Variants in GRIK5 observed in about 807,000 individuals in gnomAD.
The protein encoded by GRIK5 is glutamate ionotropic receptor kainate type subunit 5, also known as glutamate receptor ionotropic, kainate 5.
A neutral mutation model predicts 97.4 loss-of-function variants in GRIK5; 43 were observed. The ratio of observed to expected loss-of-function variants is 0.44; its 90% CI spans 0.35 to 0.57. The LOEUF is 0.57. Among genes scored for constraint, GRIK5 ranks in the 20% least tolerant of loss-of-function variants. The pLI, the probability that GRIK5 is intolerant of heterozygous loss-of-function variation, is 0.01. For missense variants in GRIK5, 1,015 were observed against 1,382.0 expected (o/e 0.73, Z 4.21); for synonymous variants, 580 against 583.5 (o/e 0.99, Z 0.09).
chr19:42,024,441 G>A (rs1282775948), intron 12 of GRIK5, among the ~76,000 whole-genome samples: 1 of 152,104 alleles, frequency 6.6e-6, no homozygotes, highest in East Asian at 1.9e-4. Flanking sequence ...TTGAACTCCT[G>A]ACCTCAGGTG....
At chr19:42,018,909 AC>A (rs2075663857) in intron 15 of GRIK5, among the ~76,000 whole-genome samples, 1 of 152,076 alleles carries the variant, frequency 6.6e-6, no homozygotes, top group South Asian at 2.1e-4. Flanking sequence ...GAGGGCGGGG[AC>A]TGGCCTGCTG....
At position 42,005,828 on chromosome 19, in the gene GRIK5, G is replaced by A; in HGVS notation, c.2158C>T (p.Leu720=). 1 of 1,613,882 alleles carries A rather than the reference G, an allele frequency of 6.2e-7. No individual in the cohort carries two copies. Residue 720 remains leucine, a synonymous_variant, in exon 17 of 20, where the codon CTG becomes TTG. Transcript: ENST00000593562. ...ARVLNSRYAF[L]LESTMNEYHR... is the part of the protein sequence containing the mutation. ...TATTCGTTCATGGTGGACTCGAGCA[G>A]GAAGGCGTAGCGGGAGTTGAGGACG...
intron 15 of GRIK5, among the ~76,000 whole-genome samples, chr19:42,013,843 C>T (rs1166467025): frequency 4.6e-5 from 7 of 152,022 alleles, no homozygotes; most frequent in African/African-American, 1.7e-4. Context: ...GCCTGGGCAA[C>T]ACAGTGAGAC....
intron 12 of GRIK5, among the ~76,000 whole-genome samples, chr19:42,037,460 A>G (rs1477029505): frequency 1.3e-5 from 2 of 152,224 alleles, no homozygotes; most frequent in African/African-American, 4.8e-5. Context: ...CTCTGCCTCA[A>G]AAAGAAAAAC....
intron 15 of GRIK5, among the ~76,000 whole-genome samples, chr19:42,013,972 T>A (rs897000520): frequency 1.4e-5 from 2 of 146,484 alleles, no homozygotes; most frequent in African/African-American, 5.1e-5. Flanking sequence ...GAGGCTGCAG[T>A]GACCTGTGAT....
chr19:42,047,086 T>C (rs770255502), intron 11 of GRIK5, among the ~76,000 whole-genome samples: 1 of 151,776 alleles, frequency 6.6e-6, no homozygotes. Flanking sequence ...CAGGGTTTCA[T>C]CATGTTGCCC....
At chr19:42,000,413 A>G (rs2075414655) in intron 19 of GRIK5, among the ~76,000 whole-genome samples, 2 of 152,216 alleles carry the variant, frequency 1.3e-5, no homozygotes, top group Non-Finnish European at 2.9e-5. Flanking sequence ...GGATCTGCTA[A>G]GAGATCAGAT....
chr19:42,051,419 C>T (rs1432807057), intron 11 of GRIK5, among the ~76,000 whole-genome samples: 1 of 152,134 alleles, frequency 6.6e-6, no homozygotes, highest in African/African-American at 2.4e-5. Context: ...CCTCATGGGC[C>T]AACAAGGAGC....
At chr19:42,069,163 C>T in intron 1 of GRIK5, 78 bp downstream of exon 1, 2 of 391,324 alleles carry the variant, frequency 5.1e-6, no homozygotes, top group Non-Finnish European at 9.0e-6. Context: ...GAATGTGGTG[C>T]CCCCCTGCCA....
At chr19:42,067,150 T>TG (rs887790406) in intron 1 of GRIK5, among the ~76,000 whole-genome samples, 2 of 152,014 alleles carry the variant, frequency 1.3e-5, no homozygotes, top group African/African-American at 4.8e-5. Flanking sequence ...AGGGTTACTG[T>TG]GGGGGGCACA....
intron 12 of GRIK5, among the ~76,000 whole-genome samples, chr19:42,029,181 C>T (rs1476531368): frequency 2.0e-5 from 3 of 152,046 alleles, no homozygotes; most frequent in East Asian, 2.0e-4. Context: ...AATTCTCCTG[C>T]CTCACCCTTC....
chr19:42,022,064 G>A lies in GRIK5; in HGVS notation c.1588-8C>T. The A allele has an allele frequency of 1.3e-6, 2 of 1,586,452 alleles. No individual in the cohort carries two copies. The highest frequency in any genetic ancestry group is 1.1e-5 in the South Asian group (1 of 89,954). On this transcript the variant is annotated splice_region_variant and splice_polypyrimidine_tract_variant and intron_variant, in intron 13 of 19. Coordinates refer to ENST00000593562, the MANE Select transcript of GRIK5 (RefSeq NM_002088.5). The surrounding 1 kb of genome is among the most constrained non-coding windows in gnomAD (Gnocchi z 4.2). ...GTAGCCAGGCTTGCGGCCCTGTGGG[G>A]AGAGGGAGTGAGACCCGGAGACACC...
At chr19:42,008,563 G>A (rs2075521991) in intron 15 of GRIK5, among the ~76,000 whole-genome samples, 1 of 151,548 alleles carries the variant, frequency 6.6e-6, no homozygotes, top group African/African-American at 2.4e-5. Context: ...GGAGGTGGAG[G>A]TCGCAGTGAA....
intron 12 of GRIK5, among the ~76,000 whole-genome samples, chr19:42,028,346 T>C (rs950201335): frequency 2.0e-5 from 3 of 152,178 alleles, no homozygotes; most frequent in Non-Finnish European, 2.9e-5. Flanking sequence ...ACCCATCCTG[T>C]ATACCCTGTT....
At position 42,069,141 on chromosome 19, in the gene GRIK5, G is replaced by A. The variant is rs1024269070; in HGVS notation, c.-51+100C>T. ...AGTGGGGGAGGGTACTTGCCAGTCC[G>A]GAGAACGGGGAGAATGTGGTGCCCC... On this transcript the variant is annotated intron_variant, in intron 1 of 19. Transcript: ENST00000593562. 14 of 404,738 alleles carry A rather than the reference G, an allele frequency of 3.5e-5. 1 individual carries two copies. Among genetic ancestry groups the A allele is most frequent in the South Asian group, 1.9e-4 (2 of 10,720 alleles). The allele number at this position is 404,738 out of a possible 1,614,324, so 25.1% of individuals were successfully genotyped here.
intron 5 of GRIK5, among the ~76,000 whole-genome samples, chr19:42,061,301 C>T (rs1249432926): frequency 6.6e-6 from 1 of 152,212 alleles, no homozygotes; most frequent in African/African-American, 2.4e-5. Context: ...GCCTCGGCCT[C>T]CCAAAGTGCT....
chr19:42,016,730 G>A (rs1018563890), intron 15 of GRIK5, among the ~76,000 whole-genome samples: 1 of 152,342 alleles, frequency 6.6e-6, no homozygotes, highest in East Asian at 1.9e-4. Flanking sequence ...AGCATGGGAA[G>A]TCCAGCAGCA....
intron 5 of GRIK5, among the ~76,000 whole-genome samples, chr19:42,061,436 C>T (rs1461186220): frequency 2.6e-5 from 4 of 152,202 alleles, no homozygotes; most frequent in Admixed American, 1.3e-4. Flanking sequence ...ACCTTGGCCT[C>T]CCAAAGTGCT....
chr19:42,061,291 G>A (rs554111380), intron 5 of GRIK5, among the ~76,000 whole-genome samples: 82 of 152,244 alleles, frequency 5.4e-4, no homozygotes, highest in African/African-American at 1.6e-3. Context: ...TGATTCGCCC[G>A]CCTCGGCCTC....
Sources: gnomAD v4.1 joint callset for allele counts (sites outside exome capture counted in the v4.1 genomes callset) on GRCh38, gnomAD v4.1.1 for gene constraint, Gnocchi (gnomAD v3.1) non-coding constraint, MANE v1.5 for transcripts, NCBI Gene and HGNC (gene_info 2026-07-23, HGNC 2026-07-21) for gene names.